LSAMP: variants seen among roughly 807,000 people sequenced by gnomAD.
The protein encoded by LSAMP is limbic system-associated membrane protein.
In LSAMP, 7 loss-of-function variants were observed where a neutral mutation model predicts 38.6. The ratio of observed to expected loss-of-function variants is 0.18; its 90% CI spans 0.10 to 0.34. LSAMP has a LOEUF of 0.34. Among genes scored for constraint, LSAMP ranks in the 10% least tolerant of loss-of-function variants. The pLI is 1.00. For synonymous variants in LSAMP, 154 were observed against 166.8 expected, an observed-to-expected ratio of 0.92 and a Z score of 0.59; for missense variants, 313 against 420.0, an observed-to-expected ratio of 0.75 and a Z score of 2.23.
chr3:116,014,541 G>T (rs1419917490), intron 3 of LSAMP, among the ~76,000 whole-genome samples: 1 of 152,052 alleles, frequency 6.6e-6, no homozygotes, highest in Non-Finnish European at 1.5e-5. Context: ...AGAATAAATT[G>T]AGTCATTATT....
chr3:116,307,008 T>C (rs544203871), intron 1 of LSAMP, among the ~76,000 whole-genome samples: 3 of 152,056 alleles, frequency 2.0e-5, no homozygotes, highest in Non-Finnish European at 2.9e-5. Context: ...GAAGGGTATG[T>C]GTTCTTTGCT....
At chr3:116,027,686 T>A (rs947301269) in intron 2 of LSAMP, among the ~76,000 whole-genome samples, 1 of 152,148 alleles carries the variant, frequency 6.6e-6, no homozygotes, top group Non-Finnish European at 1.5e-5. Flanking sequence ...GTCAGTTTGG[T>A]TGCTTTAAAA....
intron 1 of LSAMP, among the ~76,000 whole-genome samples, chr3:116,189,209 G>A (rs1710696339): frequency 1.3e-5 from 2 of 152,216 alleles, no homozygotes; most frequent in South Asian, 4.1e-4. Context: ...GTGGAAGCCT[G>A]AATGAAGTAA....
chr3:115,925,891 A>T (rs544508196), intron 3 of LSAMP, among the ~76,000 whole-genome samples: 2 of 152,312 alleles, frequency 1.3e-5, no homozygotes, highest in Non-Finnish European at 2.9e-5. Flanking sequence ...AAGGCAAACC[A>T]AAATTGTAAA....
intron 3 of LSAMP, among the ~76,000 whole-genome samples, chr3:115,907,773 G>T (rs1180529415): frequency 1.3e-5 from 2 of 152,126 alleles, no homozygotes; most frequent in Non-Finnish European, 2.9e-5. Context: ...TTTAATCAAA[G>T]TAAAATCACA....
chr3:116,283,613 A>G (rs2047157242), intron 1 of LSAMP, among the ~76,000 whole-genome samples: 1 of 152,152 alleles, frequency 6.6e-6, no homozygotes, highest in East Asian at 1.9e-4. Context: ...CAAGGGCATA[A>G]GAGAATAATC....
chr3:116,339,336 C>T (rs572954090), intron 1 of LSAMP, among the ~76,000 whole-genome samples: 46 of 149,696 alleles, frequency 3.1e-4, no homozygotes, highest in Admixed American at 4.0e-4. Flanking sequence ...ATAGATTTAT[C>T]GTGCTTTCCA....
intron 1 of LSAMP, among the ~76,000 whole-genome samples, chr3:116,122,785 G>A (rs1291435730): frequency 3.9e-5 from 6 of 152,106 alleles, no homozygotes; most frequent in East Asian, 1.9e-4. Flanking sequence ...GAAGCTCCTC[G>A]ATTCTCTCCC....
At chr3:115,972,191 A>G (rs993091083) in intron 3 of LSAMP, among the ~76,000 whole-genome samples, 4 of 152,080 alleles carry the variant, frequency 2.6e-5, no homozygotes, top group African/African-American at 9.7e-5. Context: ...ACTAAAAACA[A>G]TATTGATAGC....
intron 2 of LSAMP, among the ~76,000 whole-genome samples, chr3:116,036,860 C>T (rs115424591): frequency 3.8e-4 from 58 of 152,230 alleles, no homozygotes; most frequent in Non-Finnish European, 7.5e-4. Flanking sequence ...AGTCCAGGTA[C>T]TATAACCAAG....
chr3:116,036,130 C>G (rs151194129), intron 2 of LSAMP, among the ~76,000 whole-genome samples: 168 of 152,216 alleles, frequency 1.1e-3, no homozygotes, highest in African/African-American at 3.8e-3. Flanking sequence ...CATTAATGAC[C>G]AAAATGACTC....
intron 1 of LSAMP, among the ~76,000 whole-genome samples, chr3:116,133,352 G>A (rs560499305): frequency 2.6e-5 from 4 of 151,900 alleles, no homozygotes; most frequent in Admixed American, 6.6e-5. Context: ...GTGCAGTGGC[G>A]TGATCACAGC....
chr3:116,323,028 G>A (rs1480851103), intron 1 of LSAMP, among the ~76,000 whole-genome samples: 1 of 152,082 alleles, frequency 6.6e-6, no homozygotes, highest in Non-Finnish European at 1.5e-5. Flanking sequence ...TTACTGTACA[G>A]GTTAAAATCT....
At chr3:115,819,614 T>C (rs1339659272) in intron 6 of LSAMP, among the ~76,000 whole-genome samples, 1 of 152,188 alleles carries the variant, frequency 6.6e-6, no homozygotes, top group African/African-American at 2.4e-5. Context: ...GAAAGTTGAT[T>C]ACAAGAAGCA....
intron 1 of LSAMP, among the ~76,000 whole-genome samples, chr3:116,154,249 G>A (rs921001488): frequency 6.6e-6 from 1 of 152,106 alleles, no homozygotes; most frequent in Non-Finnish European, 1.5e-5. Flanking sequence ...GTCTTGAGGA[G>A]CTGCAAGACC....
chr3:116,170,791 C>T (rs1241534712), intron 1 of LSAMP, among the ~76,000 whole-genome samples: 1 of 152,042 alleles, frequency 6.6e-6, no homozygotes, highest in Non-Finnish European at 1.5e-5. Flanking sequence ...AACTGATTTA[C>T]ACAATGAAGA....
chr3:116,226,960 T>G (rs1031833766), intron 1 of LSAMP, among the ~76,000 whole-genome samples: 3 of 152,176 alleles, frequency 2.0e-5, no homozygotes, highest in Non-Finnish European at 4.4e-5. Context: ...CAGAAATACA[T>G]AACCAACATT....
chr3:115,840,358 CT>C (rs1348914151), intron 6 of LSAMP, among the ~76,000 whole-genome samples: 3 of 152,210 alleles, frequency 2.0e-5, no homozygotes, highest in East Asian at 1.9e-4. Context: ...CGCACCCCCC[CT>C]CTCCCGCTGC....
intron 1 of LSAMP, among the ~76,000 whole-genome samples, chr3:116,401,687 C>T (rs1019691361): frequency 1.3e-5 from 2 of 152,122 alleles, no homozygotes; most frequent in Non-Finnish European, 1.5e-5. Flanking sequence ...TGCACAGAAT[C>T]GGATTTATCT....
Sources: gnomAD v4.1 joint callset for allele counts (sites outside exome capture counted in the v4.1 genomes callset) on GRCh38, gnomAD v4.1.1 for gene constraint, MANE v1.5 for transcripts, NCBI Gene and HGNC (gene_info 2026-07-23, HGNC 2026-07-21) for gene names.